Variants in SLC30A6 observed in about 807,000 individuals in gnomAD.
The protein encoded by SLC30A6 is zinc transporter 6.
In SLC30A6, 55 loss-of-function variants were observed where a neutral mutation model predicts 63.0. The ratio of observed to expected loss-of-function variants is 0.87; its 90% CI spans 0.70 to 1.09. The LOEUF is 1.09. SLC30A6 is among the 50% of genes least tolerant of loss of function. The probability of loss-of-function intolerance (pLI) is 0.00; values close to 1 mark genes in which losing one functional copy is unlikely to be tolerated. For synonymous variants in SLC30A6, 224 were observed against 186.1 expected (o/e 1.20, Z -1.66); for missense variants, 587 against 549.2 (o/e 1.07, Z -0.69).
chr2:32,175,616 A>G (rs1681664966), intron 4 of SLC30A6, among the ~76,000 whole-genome samples: 1 of 123,502 alleles, frequency 8.1e-6, no homozygotes, highest in Non-Finnish European at 1.8e-5. Flanking sequence ...AAAGGAAAGT[A>G]ATCTACTAAA....
chr2:32,179,475 T>C (rs1285528602), intron 4 of SLC30A6, among the ~76,000 whole-genome samples: 1 of 152,196 alleles, frequency 6.6e-6, no homozygotes, highest in East Asian at 1.9e-4. Context: ...GAAGGTCTTG[T>C]TAAAATACAT....
chr2:32,178,647 C>A (rs1682009265), intron 4 of SLC30A6, among the ~76,000 whole-genome samples: 1 of 152,188 alleles, frequency 6.6e-6, no homozygotes, highest in Non-Finnish European at 1.5e-5. Context: ...CATTGCACTC[C>A]AGCCTGGACA....
chr2:32,216,897 T>G (rs766314795), intron 13 of SLC30A6, among the ~76,000 whole-genome samples: 58 of 141,704 alleles, frequency 4.1e-4, no homozygotes, highest in Non-Finnish European at 6.7e-4. Flanking sequence ...TTGAGGTCTG[T>G]TTTTTTTTTT....
At chr2:32,203,714 C>T (rs1208072583) in intron 10 of SLC30A6, 3 of 1,532,070 alleles carry the variant, frequency 2.0e-6, no homozygotes, top group Non-Finnish European at 2.7e-6. Context: ...GTTCCTACAA[C>T]TAAGTCAGAA....
At chr2:32,181,829 C>T (rs377187500) in intron 4 of SLC30A6, among the ~76,000 whole-genome samples, 1 of 151,414 alleles carries the variant, frequency 6.6e-6, no homozygotes, top group East Asian at 1.9e-4. Flanking sequence ...GATTGTGCCA[C>T]TGCACTCCAA....
intron 10 of SLC30A6, chr2:32,203,172 G>A: frequency 8.0e-7 from 1 of 1,242,452 alleles, no homozygotes; most frequent in Middle Eastern, 2.4e-4. Flanking sequence ...TCCTGAAGTT[G>A]ACCTGGTGAT....
rs1248681936 is a variant in SLC30A6 at position 32,180,446 on chromosome 2, T to TGA, written c.219-3824_219-3823dup. 3.3e-5 allele frequency among the ~76,000 whole-genome samples: 5 copies of TGA among 152,218 alleles called. No individual in the cohort carries two copies. The South Asian group carries it at 8.3e-4, about 25-fold the overall frequency. The stretch of plus-strand genomic sequence containing the variant: ...AAAAAGGATTTTATTTATTTATTTT[T>TGA]GAGACAGGGCCTCATCCTGTCACCC... On this transcript the variant is annotated intron_variant, in intron 4 of 13. Coordinates refer to ENST00000282587, the MANE Select transcript of SLC30A6 (RefSeq NM_017964.5).
At chr2:32,175,757 C>G (rs928669741) in intron 4 of SLC30A6, among the ~76,000 whole-genome samples, 8 of 152,132 alleles carry the variant, frequency 5.3e-5, no homozygotes, top group Non-Finnish European at 1.0e-4. Flanking sequence ...GGGTGGATCA[C>G]TTGAGGTCAG....
At chr2:32,203,498 G>A (rs1394698651) in intron 10 of SLC30A6, 1 of 1,605,474 alleles carries the variant, frequency 6.2e-7, no homozygotes, top group Non-Finnish European at 8.5e-7. Context: ...TGCAGCTTTA[G>A]CCCACATTTC....
At chr2:32,212,956 G>C (rs1422912937) in intron 13 of SLC30A6, among the ~76,000 whole-genome samples, 1 of 148,328 alleles carries the variant, frequency 6.7e-6, no homozygotes, top group Non-Finnish European at 1.5e-5. Context: ...ACCTAGGCTG[G>C]AGTGAGTGGT....
intron 5 of SLC30A6, among the ~76,000 whole-genome samples, chr2:32,186,763 C>T (rs1682855755): frequency 6.6e-6 from 1 of 151,012 alleles, no homozygotes; most frequent in South Asian, 2.1e-4. Context: ...TTTGGGAGGC[C>T]CAGGTGGTCG....
At chr2:32,172,049 A>G (rs922229513) in intron 2 of SLC30A6, among the ~76,000 whole-genome samples, 2 of 152,198 alleles carry the variant, frequency 1.3e-5, no homozygotes, top group Non-Finnish European at 2.9e-5. Context: ...GACTGTAAAT[A>G]AAAAGATGTA....
In SLC30A6 at chr2:32,173,665, A is replaced by G. The variant is rs1243216517; in HGVS notation, c.91-398A>G. 3.9e-5 allele frequency among the ~76,000 whole-genome samples: 6 copies of G among 152,108 alleles called. No individual in the cohort carries two copies. In the East Asian group the frequency reaches 9.6e-4, roughly 24 times the overall value. On this transcript the variant is annotated intron_variant, in intron 2 of 13. Coordinates refer to ENST00000282587, the MANE Select transcript of SLC30A6 (RefSeq NM_017964.5). ...AGGAGTGAGCCATTGCACCTGGACA[A>G]GATTACTAACTTTTAGGAACATCAT...
intron 11 of SLC30A6, 117 bp from the exon 12 acceptor site, chr2:32,206,769 G>A: frequency 1.3e-6 from 1 of 752,258 alleles, no homozygotes; most frequent in South Asian, 1.5e-5. Context: ...AATCATGATA[G>A]GACAGCTGTC....
intron 11 of SLC30A6, among the ~76,000 whole-genome samples, chr2:32,205,825 G>A (rs212678): frequency 0.57 from 86,629 of 151,270 alleles, 25,095 homozygotes; most frequent in Non-Finnish European, 0.6. Context: ...GTGCCACCAC[G>A]CCTGGCTAAT....
At chr2:32,209,637 T>C in intron 13 of SLC30A6, 76 bp downstream of exon 13, 1 of 1,224,648 alleles carries the variant, frequency 8.2e-7, no homozygotes, top group Non-Finnish European at 1.1e-6. Context: ...AAAAAATATT[T>C]CCTTAAAATT....
chr2:32,192,376 G>A lies in SLC30A6; in HGVS notation c.325G>A (p.Val109Ile). 1 of 1,614,072 alleles carries A rather than the reference G, an allele frequency of 6.2e-7. No homozygotes were observed. The highest frequency in any genetic ancestry group is 1.6e-4 in the Middle Eastern group (1 of 6,062). ...AGTCCTGGCTGTATTTGCCTCCACA[G>A]TCTTGGCACAGTTGGGAGCTCTCTT... ...LEVLAVFAST[V>I]LAQLGALFIL... is the part of the protein sequence containing the mutation. The change falls in exon 6 of 14, where the codon GTC becomes ATC. Residue 109 changes from valine (V) to isoleucine (I), a missense_variant. Physicochemically the swap from Val to Ile is conservative, Grantham distance 29 (BLOSUM62 3). Transcript: ENST00000282587.
intron 13 of SLC30A6, among the ~76,000 whole-genome samples, chr2:32,217,236 A>C (rs1354332656): frequency 1.3e-5 from 2 of 152,078 alleles, no homozygotes; most frequent in Non-Finnish European, 2.9e-5. Flanking sequence ...ATCTTGAGTT[A>C]ATCTTTTTAT....
rs368935136 is a variant in SLC30A6 at position 32,192,970 on chromosome 2, A to G, written c.401+17A>G. The G allele has an allele frequency of 5.4e-6, 8 of 1,468,448 alleles. No homozygotes were observed. The African/African-American group carries it at 1.1e-4, about 21-fold the overall frequency. The allele number at this position is 1,468,448 out of a possible 1,614,324, so 91.0% of individuals were successfully genotyped here. On this transcript the variant is annotated intron_variant, in intron 7 of 13. Transcript: ENST00000282587. Reference sequence around the variant, plus strand: ...GATACACACGTGAGATTTTATTTTCAATATATAATTTACTATTGATTCTTA... The same window carrying G: ...GATACACACGTGAGATTTTATTTTCGATATATAATTTACTATTGATTCTTA...
Sources: gnomAD v4.1 joint callset for allele counts (sites outside exome capture counted in the v4.1 genomes callset) on GRCh38, gnomAD v4.1.1 for gene constraint, MANE v1.5 for transcripts, NCBI Gene and HGNC (gene_info 2026-07-23, HGNC 2026-07-21) for gene names.